Variants in ICE2 observed in about 807,000 individuals in gnomAD.
ICE2 encodes the protein interactor of little elongation complex ELL subunit 2.
ICE2 carries 87 observed loss-of-function variants against 105.4 expected under a neutral mutation model. The ratio of observed to expected loss-of-function variants is 0.83; its 90% CI spans 0.69 to 0.99. The LOEUF is 0.99. ICE2 is among the 50% of genes least tolerant of loss of function. The pLI is 0.00. For missense variants in ICE2, 1,323 were observed against 1,146.7 expected, an observed-to-expected ratio of 1.15 and a Z score of -2.22; for synonymous variants, 399 against 392.0, an observed-to-expected ratio of 1.02 and a Z score of -0.21.
At chr15:60,478,744 G>A (rs923530221) in intron 1 of ICE2, 1 of 350,280 alleles carries the variant, frequency 2.9e-6, no homozygotes, top group Admixed American at 3.7e-5. Context: ...CTTCGACCCA[G>A]TGTGGAGCTG....
chr15:60,469,073 C>A (rs2064509802), intron 3 of ICE2, among the ~76,000 whole-genome samples: 1 of 152,108 alleles, frequency 6.6e-6, no homozygotes, highest in Admixed American at 6.5e-5. Flanking sequence ...AATGGAGTCA[C>A]CAATGTTTAA....
rs2063238049 is a variant in ICE2, at chr15:60,421,040, A to G, written c.*2594T>C. ...TGGTGAGATCTGAAAAAACAAGGCT[A>G]TGAGAGAATAACTGTGGGGACCTAC... is the stretch of plus-strand genomic sequence containing the variant. On this transcript the variant is annotated 3_prime_UTR_variant, in exon 16 of 16. Coordinates refer to ENST00000261520, the MANE Select transcript of ICE2 (RefSeq NM_024611.6). The G allele has an allele frequency of 1.3e-5, 2 of 151,822 alleles. No individual in the cohort carries two copies. The highest frequency in any genetic ancestry group is 2.1e-4 in the South Asian group (1 of 4,824). The allele number at this position is 151,822 out of a possible 1,614,324, so 9.4% of individuals were successfully genotyped here.
At position 60,448,895 on chromosome 15, in the gene ICE2, CTAGAGGAGTCTG is replaced by C; in HGVS notation, c.2060_2071del (p.Ser687_Ser691delinsCys). 1 of 1,610,822 alleles carries C rather than the reference CTAGAGGAGTCTG, an allele frequency of 6.2e-7. No individual in the cohort carries two copies. The highest frequency in any genetic ancestry group is 8.5e-7 in the Non-Finnish European group (1 of 1,179,106). On this transcript the variant is annotated inframe_deletion, in exon 10 of 16. Transcript: ENST00000261520. ...AGAAGGCCATCCAGATTTCGGCCAA[CTAGAGGAGTCTG>C]AAGGACCAGACAATTGCTCAGAAAC...
At chr15:60,445,607 T>A in intron 11 of ICE2, 1 of 971,606 alleles carries the variant, frequency 1.0e-6, no homozygotes, top group Non-Finnish European at 1.2e-6. Context: ...TTGACATATT[T>A]TGATGAAGAA....
At chr15:60,437,285 C>T (rs1435352205) in intron 12 of ICE2, among the ~76,000 whole-genome samples, 2 of 151,658 alleles carry the variant, frequency 1.3e-5, no homozygotes, top group African/African-American at 2.4e-5. Flanking sequence ...TATTAAAGCA[C>T]ACCATAAGAT....
intron 6 of ICE2, among the ~76,000 whole-genome samples, chr15:60,456,449 C>T (rs567220578): frequency 3.2e-4 from 47 of 148,178 alleles, no homozygotes; most frequent in African/African-American, 1.1e-3. Flanking sequence ...GAGGCTAAGG[C>T]AGGAGAATCA....
intron 5 of ICE2, among the ~76,000 whole-genome samples, chr15:60,463,183 G>A (rs1187707243): frequency 2.0e-5 from 3 of 152,168 alleles, no homozygotes; most frequent in Admixed American, 2.0e-4. Context: ...CAGGTTTACT[G>A]AGATGTAACT....
At chr15:60,428,317 G>T in intron 15 of ICE2, 112 bp downstream of exon 15, 1 of 1,151,244 alleles carries the variant, frequency 8.7e-7, no homozygotes, top group Non-Finnish European at 1.2e-6. Flanking sequence ...CTTTTAGAAT[G>T]GTGCTGTGAT....
Position 60,448,976 on chromosome 15 carries a change from G to A in ICE2, c.1991C>T (p.Pro664Leu). The A allele has an allele frequency of 2.5e-6, 4 of 1,613,954 alleles. No individual in the cohort carries two copies. Among genetic ancestry groups the A allele is most frequent in the Non-Finnish European group, 3.4e-6 (4 of 1,179,934 alleles). The change falls in exon 10 of 16, where the codon CCA (proline) becomes CTA (leucine). Residue 664 changes from proline (P) to leucine (L), a missense_variant. Physicochemically the swap from Pro to Leu is moderately conservative, Grantham distance 98. Transcript: ENST00000261520. The stretch of plus-strand genomic sequence containing the variant: ...TTCTAAATTCATTAAGGGCAATTCT[G>A]GTACTTTTCTGGAAATTGGCTTTAA... ...ELLKPISRKV[P>L]ELPLMNLENS... is the part of the protein sequence containing the mutation.
intron 14 of ICE2, among the ~76,000 whole-genome samples, chr15:60,430,112 GC>G (rs2063424162): frequency 6.6e-6 from 1 of 152,198 alleles, no homozygotes; most frequent in African/African-American, 2.4e-5. Flanking sequence ...AATTAAGGTT[GC>G]TAATCAACTG....
chr15:60,431,224 T>C (rs1469095797), intron 14 of ICE2, among the ~76,000 whole-genome samples: 1 of 151,978 alleles, frequency 6.6e-6, no homozygotes, highest in Non-Finnish European at 1.5e-5. Context: ...AATATAGCTA[T>C]GGTGGGCTGA....
chr15:60,455,450 T>C lies in ICE2; in HGVS notation c.667-8A>G. On this transcript the variant is annotated splice_region_variant and splice_polypyrimidine_tract_variant and intron_variant, in intron 6 of 15. Coordinates refer to ENST00000261520, the MANE Select transcript of ICE2 (RefSeq NM_024611.6). ...CACATATTTTACACTGCCCTAAATA[T>C]GAAAAAAAAATCATTTTATTGCAAA... 1 of 1,551,662 alleles carries C rather than the reference T, an allele frequency of 6.4e-7. No individual in the cohort carries two copies. Among genetic ancestry groups the C allele is most frequent in the Non-Finnish European group, 8.8e-7 (1 of 1,136,078 alleles).
chr15:60,433,132 T>C (rs561570633), intron 13 of ICE2, among the ~76,000 whole-genome samples: 1 of 151,428 alleles, frequency 6.6e-6, no homozygotes, highest in Non-Finnish European at 1.5e-5. Flanking sequence ...TCGCCCAGGC[T>C]GGAGCGCCAG....
rs1485136469 is a variant in ICE2 at position 60,422,220 on chromosome 15, C to T, written c.*1414G>A. ...CGATCACAACTCACTGTAGCCTTGA[C>T]TTCTTGGGCTCAAGCAATTCTTCTG... On this transcript the variant is annotated 3_prime_UTR_variant, in exon 16 of 16. Transcript: ENST00000261520. The T allele has an allele frequency of 2.0e-5, 3 of 151,414 alleles. No individual in the cohort carries two copies. The highest frequency in any genetic ancestry group is 7.3e-5 in the African/African-American group (3 of 41,146). 9.4% of individuals were successfully genotyped at this position (151,414 alleles called of 1,614,324 possible).
At chr15:60,463,865 C>T (rs1330293653) in intron 5 of ICE2, among the ~76,000 whole-genome samples, 1 of 152,144 alleles carries the variant, frequency 6.6e-6, no homozygotes, top group African/African-American at 2.4e-5. Flanking sequence ...AACTTATCAC[C>T]ACCAAAGCTG....
In ICE2 at chr15:60,455,893, T is replaced by C. The variant is rs543395192; in HGVS notation, c.667-451A>G. Among the ~76,000 whole-genome samples the C allele has an allele frequency of 7.3e-3, 1,113 of 152,146 alleles. 10 individuals carry two copies. Among genetic ancestry groups the C allele is most frequent in the Non-Finnish European group, 0.012 (788 of 67,984 alleles). On this transcript the variant is annotated intron_variant, in intron 6 of 15. Transcript: ENST00000261520. ...TCGGCCTCCCAAAGTGCTGGGATTA[T>C]AGGTGTGAGCCATCATACCAGGCCA...
At position 60,422,062 on chromosome 15, in the gene ICE2, A is replaced by G. The variant is rs931135639; in HGVS notation, c.*1572T>C. 7 of 152,098 alleles carry G rather than the reference A, an allele frequency of 4.6e-5. No individual in the cohort carries two copies. The highest frequency in any genetic ancestry group is 1.4e-4 in the African/African-American group (6 of 41,414). 9.4% of individuals were successfully genotyped at this position (152,098 alleles called of 1,614,324 possible). On this transcript the variant is annotated 3_prime_UTR_variant, in exon 16 of 16. Coordinates refer to ENST00000261520, the MANE Select transcript of ICE2 (RefSeq NM_024611.6). ...GCAATTATCTAGGATTACAAAACTT[A>G]TATTTTACAAATGACATACATAATT...
chr15:60,478,004 C>G lies in ICE2; in HGVS notation c.-27G>C. The G allele has an allele frequency of 6.2e-7, 1 of 1,611,762 alleles. No homozygotes were observed. Among genetic ancestry groups the G allele is most frequent in the Non-Finnish European group, 8.5e-7 (1 of 1,177,912 alleles). On this transcript the variant is annotated 5_prime_UTR_variant, in exon 2 of 16. Coordinates refer to ENST00000261520, the MANE Select transcript of ICE2 (RefSeq NM_024611.6). ...TTCCTAGATTTCTGCTTCACTCTAG[C>G]TCACAGTTCACAGCTGCCTGGCTGC...
intron 7 of ICE2, 67 bp downstream of exon 7, chr15:60,455,259 G>C: frequency 6.5e-7 from 1 of 1,527,062 alleles, no homozygotes; most frequent in South Asian, 1.2e-5. Flanking sequence ...TGGGACAATC[G>C]GGTTAGATAT....
Sources: gnomAD v4.1 joint callset for allele counts (sites outside exome capture counted in the v4.1 genomes callset) on GRCh38, gnomAD v4.1.1 for gene constraint, MANE v1.5 for transcripts, NCBI Gene and HGNC (gene_info 2026-07-23, HGNC 2026-07-21) for gene names.